RANBP17: variants seen among roughly 807,000 people sequenced by gnomAD.
RANBP17 encodes RAN binding protein 17.
RANBP17 carries 158 observed loss-of-function variants against 141.2 expected under a neutral mutation model. The ratio of observed to expected loss-of-function variants is 1.12; its 90% CI spans 0.98 to 1.28. The LOEUF (loss-of-function observed/expected upper bound fraction) is 1.28, where lower values mean the gene tolerates loss of function less well. RANBP17 is among the 50% of genes most tolerant of loss of function. RANBP17 has a pLI of 0.00. For missense variants in RANBP17, 1,438 were observed against 1,290.7 expected (o/e 1.11, Z -1.75); for synonymous variants, 430 against 450.0 (o/e 0.96, Z 0.56).
At chr5:171,102,110 C>G (rs1787209345) in intron 14 of RANBP17, among the ~76,000 whole-genome samples, 1 of 152,120 alleles carries the variant, frequency 6.6e-6, no homozygotes, top group Non-Finnish European at 1.5e-5. Context: ...GTGGTTTTCT[C>G]TGTATTTTCT....
At chr5:171,088,077 T>C (rs1287460257) in intron 14 of RANBP17, among the ~76,000 whole-genome samples, 1 of 152,000 alleles carries the variant, frequency 6.6e-6, no homozygotes, top group Non-Finnish European at 1.5e-5. Flanking sequence ...CTTGACATTT[T>C]GGCATGATTT....
intron 14 of RANBP17, among the ~76,000 whole-genome samples, chr5:171,078,836 C>A (rs1785096785): frequency 6.6e-6 from 1 of 152,182 alleles, no homozygotes; most frequent in Non-Finnish European, 1.5e-5. Context: ...CATGCAAGAG[C>A]TCTGGTGGAG....
At chr5:171,238,215 T>G (rs906351955) in intron 22 of RANBP17, among the ~76,000 whole-genome samples, 1 of 152,070 alleles carries the variant, frequency 6.6e-6, no homozygotes, top group Non-Finnish European at 1.5e-5. Context: ...CTTGTGGGAG[T>G]TATTTGTATC....
At chr5:170,918,995 TA>T in intron 10 of RANBP17, 136 bp downstream of exon 10, 1 of 469,016 alleles carries the variant, frequency 2.1e-6, no homozygotes, top group Non-Finnish European at 3.5e-6. Flanking sequence ...GGGTTTTAGG[TA>T]AAAAAATTCA....
chr5:171,056,163 T>C (rs1783358599), intron 14 of RANBP17, among the ~76,000 whole-genome samples: 1 of 152,188 alleles, frequency 6.6e-6, no homozygotes. Context: ...AGTTTTCTAT[T>C]AGTTCAGTCC....
intron 14 of RANBP17, among the ~76,000 whole-genome samples, chr5:171,006,344 G>C (rs13172437): frequency 0.61 from 93,234 of 151,972 alleles, 29,910 homozygotes; most frequent in South Asian, 0.88. Flanking sequence ...TTGGAACCAA[G>C]CCAAATGTCC....
intron 14 of RANBP17, among the ~76,000 whole-genome samples, chr5:170,999,474 G>A (rs1779052257): frequency 6.6e-6 from 1 of 152,062 alleles, no homozygotes; most frequent in South Asian, 2.1e-4. Context: ...TCTTTGTGAA[G>A]CTGTACCTAT....
At chr5:170,895,460 T>C (rs547268245) in intron 4 of RANBP17, among the ~76,000 whole-genome samples, 1 of 152,302 alleles carries the variant, frequency 6.6e-6, no homozygotes, top group African/African-American at 2.4e-5. Flanking sequence ...ATTATATAGA[T>C]AGTCATGTAT....
rs1776347400 is a variant in RANBP17 at position 170,964,116 on chromosome 5, T to C, written c.1575-4126T>C. On this transcript the variant is annotated intron_variant, in intron 13 of 27. Coordinates refer to ENST00000523189, the MANE Select transcript of RANBP17 (RefSeq NM_022897.5). ...TTGTCTGTGTGTATATAGACACTCT[T>C]ATGGAGTGATGGTAAGAGTATAAAT... Among the ~76,000 whole-genome samples, 4 of 152,132 alleles carry C rather than the reference T, an allele frequency of 2.6e-5. No individual in the cohort carries two copies. In the South Asian group the frequency reaches 8.3e-4, roughly 31 times the overall value.
rs571189980 is a variant in RANBP17, at chr5:171,283,463, T to C, written c.2944-10420T>C. ...AAAGAGCTTCCAAATCTCAGTAGCG[T>C]CTTTGAATCATCTCCCTGGCCTCTT... On this transcript the variant is annotated intron_variant, in intron 25 of 27. Transcript: ENST00000523189. Among the ~76,000 whole-genome samples the C allele has an allele frequency of 1.1e-4, 17 of 152,320 alleles. No homozygotes were observed. In the East Asian group the frequency reaches 3.3e-3, roughly 29 times the overall value.
At chr5:171,087,161 G>T (rs1440472105) in intron 14 of RANBP17, among the ~76,000 whole-genome samples, 1 of 148,756 alleles carries the variant, frequency 6.7e-6, no homozygotes, top group Non-Finnish European at 1.5e-5. Flanking sequence ...CTGGTATGTT[G>T]TGTCTTTGTT....
At chr5:170,984,416 A>G (rs959014197) in intron 14 of RANBP17, among the ~76,000 whole-genome samples, 1 of 152,160 alleles carries the variant, frequency 6.6e-6, no homozygotes, top group African/African-American at 2.4e-5. Context: ...ACTTAAGGCC[A>G]GAAGTTTGAG....
At position 171,037,478 on chromosome 5, in the gene RANBP17, A is replaced by G. The variant is rs188161849; in HGVS notation, c.1710+69101A>G. On this transcript the variant is annotated intron_variant, in intron 14 of 27. Coordinates refer to ENST00000523189, the MANE Select transcript of RANBP17 (RefSeq NM_022897.5). ...TTTGTCAGTTGTTGTTTCTGTTACA[A>G]TTGCTTATGAGGACATAAACATAAA... 3.3e-5 allele frequency among the ~76,000 whole-genome samples: 5 copies of G among 152,220 alleles called. No individual in the cohort carries two copies. In the East Asian group the frequency reaches 5.8e-4, roughly 18 times the overall value.
chr5:170,889,165 T>A (rs1769400196), intron 3 of RANBP17, among the ~76,000 whole-genome samples: 1 of 151,888 alleles, frequency 6.6e-6, no homozygotes, highest in African/African-American at 2.4e-5. Flanking sequence ...AGATAGTTCA[T>A]AAGTTAACTC....
At chr5:171,285,642 G>A (rs1768129156) in intron 25 of RANBP17, among the ~76,000 whole-genome samples, 1 of 152,186 alleles carries the variant, frequency 6.6e-6, no homozygotes, top group African/African-American at 2.4e-5. Context: ...AATGCAGCAA[G>A]CTGCTTTATG....
intron 4 of RANBP17, among the ~76,000 whole-genome samples, chr5:170,895,150 C>A (rs1033061478): frequency 1.3e-5 from 2 of 152,014 alleles, no homozygotes; most frequent in Admixed American, 6.6e-5. Flanking sequence ...AATTAAAATG[C>A]AAAAATTGTG....
intron 18 of RANBP17, among the ~76,000 whole-genome samples, chr5:171,183,997 C>G (rs1037060056): frequency 6.6e-6 from 1 of 152,014 alleles, no homozygotes; most frequent in Admixed American, 6.6e-5. Context: ...GATGGGGGGA[C>G]AATACTTCAG....
At chr5:171,240,745 G>A (rs1018355066) in intron 22 of RANBP17, among the ~76,000 whole-genome samples, 183 bp from the exon 23 acceptor site, 23 of 151,924 alleles carry the variant, frequency 1.5e-4, no homozygotes, top group African/African-American at 4.8e-4. Flanking sequence ...TGGGCCTTTT[G>A]TACTTCCAGG....
chr5:171,194,026 C>T (rs2127945739), intron 18 of RANBP17, among the ~76,000 whole-genome samples: 1 of 152,270 alleles, frequency 6.6e-6, no homozygotes, highest in South Asian at 2.1e-4. Flanking sequence ...TGTTGGCTAC[C>T]ATCATTTACA....
Sources: allele counts gnomAD v4.1 joint callset (sites outside exome capture counted in the v4.1 genomes callset), GRCh38; gene constraint gnomAD v4.1.1; transcripts MANE v1.5; gene names NCBI Gene and HGNC (gene_info 2026-07-23, HGNC 2026-07-21).